Variants in ASIC2 observed in about 807,000 individuals in gnomAD.
ASIC2 encodes the protein acid sensing ion channel subunit 2.
Under a neutral mutation model 57.3 loss-of-function variants are expected in ASIC2, and 25 were observed. That is an observed-to-expected ratio of 0.44 (90% CI 0.32 to 0.61). ASIC2 has a LOEUF of 0.61. ASIC2 is among the 20% of genes least tolerant of loss of function. ASIC2 has a pLI of 0.06. For synonymous variants in ASIC2, 319 were observed against 307.5 expected, an observed-to-expected ratio of 1.04 and a Z score of -0.39; for missense variants, 641 against 738.1, an observed-to-expected ratio of 0.87 and a Z score of 1.52.
chr17:33,579,358 T>A (rs1916794153), intron 1 of ASIC2, among the ~76,000 whole-genome samples: 1 of 150,988 alleles, frequency 6.6e-6, no homozygotes, highest in Admixed American at 6.6e-5. Flanking sequence ...ACGATGTGGC[T>A]TGGTATGTTT....
chr17:33,967,447 C>A (rs1393915478), intron 1 of ASIC2, among the ~76,000 whole-genome samples: 2 of 152,090 alleles, frequency 1.3e-5, no homozygotes, highest in Non-Finnish European at 2.9e-5. Flanking sequence ...ATAGCCCAGA[C>A]TAATCTTGAA....
intron 1 of ASIC2, among the ~76,000 whole-genome samples, chr17:33,394,532 G>A (rs1910008194): frequency 6.6e-6 from 1 of 152,182 alleles, no homozygotes; most frequent in Non-Finnish European, 1.5e-5. Flanking sequence ...AGTGGTCAAG[G>A]TTAGAATAAT....
At chr17:34,019,145 T>C (rs1312908590) in intron 1 of ASIC2, among the ~76,000 whole-genome samples, 3 of 152,094 alleles carry the variant, frequency 2.0e-5, no homozygotes, top group African/African-American at 7.2e-5. Flanking sequence ...CCTGACCTCA[T>C]GATCCGCCCT....
intron 1 of ASIC2, among the ~76,000 whole-genome samples, chr17:33,926,072 G>A (rs1375848810): frequency 1.3e-5 from 2 of 152,200 alleles, no homozygotes; most frequent in Admixed American, 6.5e-5. Flanking sequence ...GAGCCCCATA[G>A]ACTATCATCG....
intron 1 of ASIC2, among the ~76,000 whole-genome samples, chr17:33,537,906 C>T (rs760040283): frequency 3.3e-5 from 5 of 152,152 alleles, no homozygotes; most frequent in Non-Finnish European, 7.3e-5. Context: ...AGCCTAAAGC[C>T]TCTTTGTTAG....
chr17:34,099,680 GA>G (rs113440659), intron 1 of ASIC2, among the ~76,000 whole-genome samples: 23 of 139,806 alleles, frequency 1.6e-4, no homozygotes, highest in African/African-American at 5.9e-4. Context: ...AAGAAAGAAA[GA>G]AAAGAAAGAG....
At position 33,384,212 on chromosome 17, in the gene ASIC2, G is replaced by A. The variant is rs542553188; in HGVS notation, c.556-272145C>T. Among the ~76,000 whole-genome samples, 42 of 152,284 alleles carry A rather than the reference G, an allele frequency of 2.8e-4. 1 individual carries two copies. The South Asian group carries it at 7.3e-3, about 26-fold the overall frequency. ...CTAGGGAATGTTACCCTGTAGAATA[G>A]GCACTTAAGAAGGAACATGATTGCC... is the stretch of plus-strand genomic sequence containing the variant. On this transcript the variant is annotated intron_variant, in intron 1 of 9. Transcript: ENST00000359872.
At chr17:33,603,493 G>A (rs895409184) in intron 1 of ASIC2, among the ~76,000 whole-genome samples, 1 of 152,172 alleles carries the variant, frequency 6.6e-6, no homozygotes, top group African/African-American at 2.4e-5. Flanking sequence ...CTGGGACTTG[G>A]CTGATCTGGC....
chr17:34,039,749 C>G, intron 1 of ASIC2: 1 of 1,612,214 alleles, frequency 6.2e-7, no homozygotes, highest in Non-Finnish European at 8.5e-7. Context: ...AAGGATCCGA[C>G]GCTGCACAAG....
Position 33,291,458 on chromosome 17 carries a change from G to C in ASIC2, c.658C>G (p.Leu220Val). Residue 220 changes from leucine to valine, a missense_variant, in exon 1 of 10, where the codon CTC becomes GTC. Leu to Val is a conservative substitution (Grantham distance 32, BLOSUM62 1). Coordinates refer to ENST00000225823, the MANE Select transcript of ASIC2 (RefSeq NM_183377.2). The part of the protein sequence containing the change: ...RLGHQLEDML[L>V]SCKYRGELCG... ...AGCTCGCCGCGGTACTTGCAGGAGA[G>C]CAGCATGTCCTCCAGCTGGTGGCCC... The C allele has an allele frequency of 1.9e-6, 3 of 1,611,768 alleles. No individual in the cohort carries two copies. The highest frequency in any genetic ancestry group is 2.5e-6 in the Non-Finnish European group (3 of 1,179,406).
chr17:33,832,933 G>A (rs1243467064), intron 1 of ASIC2, among the ~76,000 whole-genome samples: 4 of 152,090 alleles, frequency 2.6e-5, no homozygotes, highest in Non-Finnish European at 5.9e-5. Context: ...ATATGGACAA[G>A]TAAAATATGG....
At chr17:33,017,511 A>G in intron 8 of ASIC2, 94 bp downstream of exon 8, 1 of 1,007,628 alleles carries the variant, frequency 9.9e-7, no homozygotes, top group Non-Finnish European at 1.5e-6. Flanking sequence ...GCATGGAGAG[A>G]GGCACCGCCT....
intron 1 of ASIC2, among the ~76,000 whole-genome samples, chr17:33,651,868 G>A (rs1318389277): frequency 2.6e-5 from 4 of 152,180 alleles, no homozygotes; most frequent in South Asian, 2.1e-4. Flanking sequence ...AGAGTGAGGT[G>A]GAGAACACAG....
chr17:33,878,334 C>A (rs1914606872), intron 1 of ASIC2, among the ~76,000 whole-genome samples: 1 of 152,070 alleles, frequency 6.6e-6, no homozygotes, highest in Non-Finnish European at 1.5e-5. Context: ...AGTTCGAACC[C>A]ATAGCAAACA....
chr17:33,421,483 A>G (rs1911040870), intron 1 of ASIC2, among the ~76,000 whole-genome samples: 1 of 152,226 alleles, frequency 6.6e-6, no homozygotes, highest in Non-Finnish European at 1.5e-5. Flanking sequence ...AGAACCTTCC[A>G]GCGTGACAGT....
chr17:33,269,687 C>CTTT (rs1904392629), intron 1 of ASIC2, among the ~76,000 whole-genome samples: 1 of 63,806 alleles, frequency 1.6e-5, no homozygotes, highest in Non-Finnish European at 3.3e-5. Flanking sequence ...TCCCTCCCTC[C>CTTT]TGCCTGCCTG....
At position 33,831,106 on chromosome 17, in the gene ASIC2, C is replaced by CAAAAAAAAA. The variant is rs56841196; in HGVS notation, c.555+324863_555+324871dup. ...CCTGGGTGACAGAGTAAGGCTCTGT[C>CAAAAAAAAA]AAAAAAAAAAAAAAAAAAAAAAAAA... On this transcript the variant is annotated intron_variant, in intron 1 of 9. Transcript: ENST00000359872. 1.7e-4 allele frequency among the ~76,000 whole-genome samples: 4 copies of CAAAAAAAAA among 22,964 alleles called. 1 individual carries two copies. The highest frequency in any genetic ancestry group is 5.5e-4 in the African/African-American group (3 of 5,478). The allele number at this position is 22,964 out of a possible 152,430, so 15.1% of individuals were successfully genotyped here.
intron 1 of ASIC2, among the ~76,000 whole-genome samples, chr17:33,736,263 T>C (rs1196375782): frequency 6.6e-6 from 1 of 151,844 alleles, no homozygotes; most frequent in Non-Finnish European, 1.5e-5. Flanking sequence ...CTGCCATTGC[T>C]GAGGAAAGTG....
At chr17:34,137,757 G>A (rs377023818) in intron 1 of ASIC2, among the ~76,000 whole-genome samples, 23 of 152,230 alleles carry the variant, frequency 1.5e-4, no homozygotes, top group South Asian at 8.3e-4. Context: ...GTGAAGGCTC[G>A]TTTCCTGATT....
Sources: gnomAD v4.1 joint callset for allele counts (sites outside exome capture counted in the v4.1 genomes callset) on GRCh38, gnomAD v4.1.1 for gene constraint, MANE v1.5 for transcripts, NCBI Gene and HGNC (gene_info 2026-07-23, HGNC 2026-07-21) for gene names.